Variants in LRRTM4 observed in about 807,000 individuals in gnomAD.
The protein encoded by LRRTM4 is leucine rich repeat transmembrane neuronal 4, also known as leucine-rich repeat transmembrane neuronal protein 4.
A neutral mutation model predicts 47.6 loss-of-function variants in LRRTM4; 25 were observed. That is an observed-to-expected ratio of 0.53 (90% CI 0.38 to 0.73). The LOEUF is 0.73. Ranked by LOEUF, LRRTM4 falls within the 30% of genes least tolerant of loss-of-function variation. LRRTM4 has a pLI of 0.00. For synonymous variants in LRRTM4, 311 were observed against 269.5 expected, an observed-to-expected ratio of 1.15 and a Z score of -1.51; for missense variants, 638 against 713.4, an observed-to-expected ratio of 0.89 and a Z score of 1.20.
At chr2:77,360,466 C>T (rs1672149587) in intron 3 of LRRTM4, among the ~76,000 whole-genome samples, 1 of 143,948 alleles carries the variant, frequency 6.9e-6, no homozygotes. Flanking sequence ...TCAAAAAATA[C>T]AATACGATAT....
intron 3 of LRRTM4, among the ~76,000 whole-genome samples, chr2:77,509,231 CAAAAA>C (rs3085637): frequency 7.2e-6 from 1 of 138,252 alleles, no homozygotes; most frequent in Non-Finnish European, 1.5e-5. Context: ...GACTCTGTAT[CAAAAA>C]AAAAAAAAAA....
chr2:76,864,829 T>G, intron 3 of LRRTM4, among the ~76,000 whole-genome samples: 1 of 133,504 alleles, frequency 7.5e-6, no homozygotes, highest in East Asian at 2.6e-4. Context: ...CGGGCTCAAG[T>G]GATTCTCCCA....
At chr2:76,844,862 A>C (rs1347313249) in intron 3 of LRRTM4, among the ~76,000 whole-genome samples, 1 of 152,160 alleles carries the variant, frequency 6.6e-6, no homozygotes, top group Admixed American at 6.5e-5. Context: ...TTTTTAAAAA[A>C]CAGAATATAT....
intron 3 of LRRTM4, among the ~76,000 whole-genome samples, chr2:77,024,023 C>G (rs7573982): frequency 0.56 from 84,517 of 151,966 alleles, 25,709 homozygotes; most frequent in African/African-American, 0.81. Context: ...CATGATCGGG[C>G]GCAAAAGTGC....
intron 3 of LRRTM4, among the ~76,000 whole-genome samples, chr2:76,864,847 C>CTT (rs367820817): frequency 1.7e-5 from 1 of 58,822 alleles, no homozygotes; most frequent in Non-Finnish European, 2.9e-5. Context: ...CCATCTCAGC[C>CTT]TCTCGAGTAG....
At chr2:76,814,167 T>C (rs1186185652) in intron 3 of LRRTM4, among the ~76,000 whole-genome samples, 1 of 152,136 alleles carries the variant, frequency 6.6e-6, no homozygotes, top group Non-Finnish European at 1.5e-5. Context: ...TAAAATACCA[T>C]TTTCATCCAA....
At chr2:76,833,039 A>G (rs779548324) in intron 3 of LRRTM4, among the ~76,000 whole-genome samples, 4 of 152,090 alleles carry the variant, frequency 2.6e-5, no homozygotes, top group Non-Finnish European at 5.9e-5. Flanking sequence ...GGGAAGAGTG[A>G]TGTTGAATTG....
intron 3 of LRRTM4, among the ~76,000 whole-genome samples, chr2:77,417,916 A>G (rs1170712177): frequency 6.6e-6 from 1 of 152,230 alleles, no homozygotes; most frequent in Non-Finnish European, 1.5e-5. Context: ...TATAATAAAA[A>G]AAGAAAAATA....
intron 3 of LRRTM4, among the ~76,000 whole-genome samples, chr2:76,889,425 C>T (rs113539451): frequency 0.013 from 2,036 of 151,938 alleles, 46 homozygotes; most frequent in African/African-American, 0.047. Flanking sequence ...ATATGTCTTT[C>T]GTTTTCAATG....
intron 3 of LRRTM4, among the ~76,000 whole-genome samples, chr2:77,145,500 A>G (rs532679918): frequency 6.6e-6 from 1 of 151,878 alleles, no homozygotes; most frequent in South Asian, 2.1e-4. Context: ...TGGGCATGGT[A>G]GCTCATGCTT....
intron 3 of LRRTM4, among the ~76,000 whole-genome samples, chr2:77,192,002 G>C (rs967251048): frequency 1.3e-5 from 2 of 152,010 alleles, no homozygotes; most frequent in South Asian, 2.1e-4. Flanking sequence ...TAGTAAATAA[G>C]ACATAGTATA....
chr2:77,223,655 A>T (rs1674713087), intron 3 of LRRTM4, among the ~76,000 whole-genome samples: 1 of 152,222 alleles, frequency 6.6e-6, no homozygotes, highest in East Asian at 1.9e-4. Context: ...CTTACAAGGG[A>T]TGTGAAGAAC....
intron 3 of LRRTM4, among the ~76,000 whole-genome samples, chr2:77,047,246 T>C (rs1679264360): frequency 6.6e-6 from 1 of 151,924 alleles, no homozygotes; most frequent in Non-Finnish European, 1.5e-5. Flanking sequence ...GCACAGCTTA[T>C]TGTTGTGGAT....
intron 3 of LRRTM4, among the ~76,000 whole-genome samples, chr2:77,104,854 A>C (rs1320760257): frequency 6.6e-6 from 1 of 152,200 alleles, no homozygotes; most frequent in Non-Finnish European, 1.5e-5. Flanking sequence ...CAGAAACTGC[A>C]GGATACAGAA....
intron 3 of LRRTM4, among the ~76,000 whole-genome samples, chr2:76,803,130 ACTT>A (rs1675792828): frequency 6.6e-6 from 1 of 152,094 alleles, no homozygotes. Flanking sequence ...AATCTAAAAA[ACTT>A]CTGCATAGCC....
intron 3 of LRRTM4, among the ~76,000 whole-genome samples, chr2:77,449,019 A>G (rs1676157406): frequency 6.6e-6 from 1 of 152,192 alleles, no homozygotes. Context: ...TGTCTATGTG[A>G]CATGCATCAT....
rs540229698 is a variant in LRRTM4 at position 77,462,910 on chromosome 2, G to C, written c.1551+55408C>G. Among the ~76,000 whole-genome samples, 59 of 151,802 alleles carry C rather than the reference G, an allele frequency of 3.9e-4. 2 individuals carry two copies. The South Asian group carries it at 9.6e-3, about 25-fold the overall frequency. ...GCATGTGTGTGTCTGTGTGTGTAGCGGGGGTGGGGGGCAAATATTATGAAA... is the reference window on the plus strand; with the variant it reads ...GCATGTGTGTGTCTGTGTGTGTAGCCGGGGTGGGGGGCAAATATTATGAAA... On this transcript the variant is annotated intron_variant, in intron 3 of 3. Transcript: ENST00000409884.
intron 3 of LRRTM4, among the ~76,000 whole-genome samples, chr2:77,499,320 T>C (rs995594386): frequency 1.3e-5 from 2 of 151,872 alleles, no homozygotes; most frequent in African/African-American, 4.8e-5. Flanking sequence ...TTTATTTGTT[T>C]GTTTGGTTTT....
chr2:77,099,797 C>T (rs923520551), intron 3 of LRRTM4, among the ~76,000 whole-genome samples: 1 of 151,762 alleles, frequency 6.6e-6, no homozygotes, highest in Non-Finnish European at 1.5e-5. Flanking sequence ...GCATATTAAT[C>T]TTCAAAGTAT....
Sources: allele counts gnomAD v4.1 joint callset (sites outside exome capture counted in the v4.1 genomes callset), GRCh38; gene constraint gnomAD v4.1.1; transcripts MANE v1.5; gene names NCBI Gene and HGNC (gene_info 2026-07-23, HGNC 2026-07-21).